ZRANB3: variants seen among roughly 807,000 people sequenced by gnomAD.
ZRANB3 encodes DNA annealing helicase and endonuclease ZRANB3.
In ZRANB3, 125 loss-of-function variants were observed where a neutral mutation model predicts 133.8. That is an observed-to-expected ratio of 0.93 (90% confidence interval 0.81 to 1.08). The LOEUF (loss-of-function observed/expected upper bound fraction) is 1.08, where lower values mean the gene tolerates loss of function less well. Ranked by LOEUF, ZRANB3 falls within the 50% of genes least tolerant of loss-of-function variation. The probability of loss-of-function intolerance (pLI) is 0.00; values close to 1 mark genes in which losing one functional copy is unlikely to be tolerated. For missense variants in ZRANB3, 1,229 were observed against 1,275.5 expected (o/e 0.96, Z 0.56); for synonymous variants, 387 against 432.7 (o/e 0.89, Z 1.31).
chr2:135,498,037 C>T lies in ZRANB3; in HGVS notation c.161+6292G>A, dbSNP rs527379140. ...CACTGTACTCCAGCCTGGGCGACAG[C>T]GAGACTCTGTCTCTAAAAAATAATA... On this transcript the variant is annotated intron_variant, in intron 2 of 20. Transcript: ENST00000264159. Among the ~76,000 whole-genome samples the T allele has an allele frequency of 1.3e-3, 193 of 150,906 alleles. 2 individuals carry two copies. The highest frequency in any genetic ancestry group is 4.1e-3 in the African/African-American group (170 of 41,052).
At chr2:135,234,566 G>T (rs1405298824) in intron 12 of ZRANB3, among the ~76,000 whole-genome samples, 3 of 152,258 alleles carry the variant, frequency 2.0e-5, no homozygotes, top group East Asian at 1.9e-4. Flanking sequence ...AAATGTAAAA[G>T]AACAGAAATT....
chr2:135,219,850 G>T (rs1694462216), intron 15 of ZRANB3, among the ~76,000 whole-genome samples: 1 of 151,996 alleles, frequency 6.6e-6, no homozygotes, highest in Non-Finnish European at 1.5e-5. Flanking sequence ...CCATCAATCG[G>T]TGCACAACAT....
At chr2:135,282,905 A>T (rs919298827) in intron 8 of ZRANB3, among the ~76,000 whole-genome samples, 1 of 152,204 alleles carries the variant, frequency 6.6e-6, no homozygotes, top group Non-Finnish European at 1.5e-5. Context: ...AATTTACCCA[A>T]ATTTTGACAA....
intron 6 of ZRANB3, among the ~76,000 whole-genome samples, chr2:135,330,603 G>A (rs1418141178): frequency 6.6e-6 from 1 of 152,068 alleles, no homozygotes; most frequent in East Asian, 1.9e-4. Flanking sequence ...TTTTTCTATT[G>A]ATTGGAATAG....
chr2:135,401,754 A>G (rs1687740372), intron 2 of ZRANB3, among the ~76,000 whole-genome samples: 1 of 152,214 alleles, frequency 6.6e-6, no homozygotes, highest in Admixed American at 6.5e-5. Flanking sequence ...AAGATTGGAA[A>G]GGTGTGGCTC....
chr2:135,406,613 C>T (rs1688046593), intron 2 of ZRANB3, among the ~76,000 whole-genome samples: 2 of 152,140 alleles, frequency 1.3e-5, no homozygotes, highest in South Asian at 4.1e-4. Flanking sequence ...CATCAAAAAG[C>T]TTATCCACCA....
chr2:135,446,601 C>T (rs1328519054), intron 2 of ZRANB3, among the ~76,000 whole-genome samples: 4 of 152,092 alleles, frequency 2.6e-5, no homozygotes, highest in African/African-American at 4.8e-5. Flanking sequence ...GATGAAAAGT[C>T]GGATTTAACC....
intron 8 of ZRANB3, among the ~76,000 whole-genome samples, chr2:135,286,811 T>C (rs1333065912): frequency 6.6e-6 from 1 of 152,244 alleles, no homozygotes; most frequent in African/African-American, 2.4e-5. Flanking sequence ...TTGTAGATTC[T>C]GGCTATTAGT....
At chr2:135,405,504 G>C (rs1021627259) in intron 2 of ZRANB3, among the ~76,000 whole-genome samples, 8 of 152,022 alleles carry the variant, frequency 5.3e-5, no homozygotes, top group Non-Finnish European at 1.0e-4. Context: ...CATCCCAAAT[G>C]AACAAAATAT....
At chr2:135,472,063 G>T (rs544970285) in intron 2 of ZRANB3, among the ~76,000 whole-genome samples, 5 of 152,116 alleles carry the variant, frequency 3.3e-5, no homozygotes, top group Non-Finnish European at 7.4e-5. Context: ...GACTTGAGAG[G>T]CTCATGGCAT....
At chr2:135,224,070 G>GA (rs1177776418) in intron 15 of ZRANB3, among the ~76,000 whole-genome samples, 9 of 152,000 alleles carry the variant, frequency 5.9e-5, no homozygotes, top group Non-Finnish European at 1.0e-4. Flanking sequence ...ATATTTATGG[G>GA]ATACATGAGA....
intron 12 of ZRANB3, among the ~76,000 whole-genome samples, chr2:135,233,669 T>C (rs547319386): frequency 6.6e-6 from 1 of 152,288 alleles, no homozygotes; most frequent in East Asian, 1.9e-4. Context: ...ATTTTCAACC[T>C]AGAATTTCAT....
intron 12 of ZRANB3, among the ~76,000 whole-genome samples, chr2:135,250,007 G>C (rs926185913): frequency 2.7e-4 from 41 of 152,266 alleles, no homozygotes; most frequent in African/African-American, 9.9e-4. Context: ...AAAAAGACAG[G>C]AAAATGTGGG....
At position 135,396,122 on chromosome 2, in the gene ZRANB3, T is replaced by C. The variant is rs184178558; in HGVS notation, c.162-5302A>G. ...AATGCAAATCAAAACTATAATGAGATATCATCTCACCCCAGTTAAAATGAA... is the reference window on the plus strand; with the variant it reads ...AATGCAAATCAAAACTATAATGAGACATCATCTCACCCCAGTTAAAATGAA... On this transcript the variant is annotated intron_variant, in intron 2 of 20. Transcript: ENST00000264159. 1.6e-4 allele frequency among the ~76,000 whole-genome samples: 24 copies of C among 152,222 alleles called. 1 individual carries two copies. In the East Asian group the frequency reaches 4.4e-3, roughly 28 times the overall value.
At chr2:135,233,732 C>A (rs201711795) in intron 12 of ZRANB3, among the ~76,000 whole-genome samples, 1 of 152,256 alleles carries the variant, frequency 6.6e-6, no homozygotes, top group Non-Finnish European at 1.5e-5. Context: ...CCTTTACAGA[C>A]AAGCAAATGC....
At chr2:135,269,622 G>C (rs552087813) in intron 10 of ZRANB3, among the ~76,000 whole-genome samples, 1 of 152,232 alleles carries the variant, frequency 6.6e-6, no homozygotes, top group South Asian at 2.1e-4. Context: ...CCGAAGACCT[G>C]AAATTTACTG....
chr2:135,343,010 CAAAAAAAAAAAAA>C lies in ZRANB3; in HGVS notation c.677+2527_677+2539del, dbSNP rs11435525. On this transcript the variant is annotated intron_variant, in intron 6 of 20. Coordinates refer to ENST00000264159, the MANE Select transcript of ZRANB3 (RefSeq NM_032143.4). ...CGAAACCCTGTCTCTACTAAAAATC[CAAAAAAAAAAAAA>C]AAAAAAAAAAAACATTAGCAGGGCA... 1.1e-4 allele frequency among the ~76,000 whole-genome samples: 6 copies of C among 55,232 alleles called. 1 individual carries two copies. The highest frequency in any genetic ancestry group is 9.2e-4 in the Admixed American group (4 of 4,364). 36.2% of individuals were successfully genotyped at this position (55,232 alleles called of 152,430 possible).
intron 12 of ZRANB3, among the ~76,000 whole-genome samples, chr2:135,234,851 T>G (rs1045052607): frequency 2.0e-5 from 3 of 152,012 alleles, no homozygotes; most frequent in Admixed American, 6.6e-5. Context: ...GATCTAAAAT[T>G]GACACCCTAA....
chr2:135,383,416 T>C (rs2104915569), intron 3 of ZRANB3, among the ~76,000 whole-genome samples: 1 of 152,280 alleles, frequency 6.6e-6, no homozygotes, highest in Non-Finnish European at 1.5e-5. Flanking sequence ...AACACCCCAC[T>C]GTCAACATTA....
Sources: allele counts gnomAD v4.1 joint callset (sites outside exome capture counted in the v4.1 genomes callset), GRCh38; gene constraint gnomAD v4.1.1; transcripts MANE v1.5; gene names NCBI Gene and HGNC (gene_info 2026-07-23, HGNC 2026-07-21).